ZFAND3: variants seen among roughly 807,000 people sequenced by gnomAD.
ZFAND3 encodes zinc finger AN1-type containing 3, also known as AN1-type zinc finger protein 3.
Under a neutral mutation model 29.6 loss-of-function variants are expected in ZFAND3, and 10 were observed. The ratio of observed to expected loss-of-function variants is 0.34; its 90% CI spans 0.21 to 0.57. The LOEUF is 0.57. Among genes scored for constraint, ZFAND3 ranks in the 20% least tolerant of loss-of-function variants. The pLI, the probability that ZFAND3 is intolerant of heterozygous loss-of-function variation, is 0.86. For missense variants in ZFAND3, 230 were observed against 304.5 expected (o/e 0.76, Z 1.82); for synonymous variants, 128 against 112.6 (o/e 1.14, Z -0.87).
intron 4 of ZFAND3, among the ~76,000 whole-genome samples, chr6:38,097,684 C>T (rs1765009436): frequency 6.6e-6 from 1 of 152,108 alleles, no homozygotes; most frequent in Admixed American, 6.5e-5. Context: ...TCTAAAGCAC[C>T]TCACCTAGCA....
Position 38,024,691 on chromosome 6 carries a change from A to G in ZFAND3, c.113-36902A>G, listed in dbSNP as rs186945501. Among the ~76,000 whole-genome samples the G allele has an allele frequency of 3.3e-3, 508 of 152,324 alleles. 1 individual carries two copies. Among genetic ancestry groups the G allele is most frequent in the Non-Finnish European group, 5.3e-3 (360 of 68,024 alleles). ...AACCTCAAAAACATTTATGTCAAGT[A>G]AAAGAAACCAGACACAAGAGGTCAC... On this transcript the variant is annotated intron_variant, in intron 2 of 5. Coordinates refer to ENST00000287218, the MANE Select transcript of ZFAND3 (RefSeq NM_021943.3).
intron 2 of ZFAND3, among the ~76,000 whole-genome samples, chr6:37,974,860 G>C (rs1037641586): frequency 3.9e-5 from 6 of 152,068 alleles, no homozygotes; most frequent in Admixed American, 1.3e-4. Flanking sequence ...ATGGACATTT[G>C]GTGGCTTTGA....
intron 2 of ZFAND3, among the ~76,000 whole-genome samples, chr6:38,056,806 G>C (rs935594537): frequency 1.3e-5 from 2 of 152,138 alleles, no homozygotes; most frequent in African/African-American, 4.8e-5. Flanking sequence ...AAGGTTTCAA[G>C]CATATCTTTG....
intron 4 of ZFAND3, among the ~76,000 whole-genome samples, chr6:38,089,103 C>G (rs904620175): frequency 1.3e-4 from 20 of 151,852 alleles, no homozygotes; most frequent in African/African-American, 4.8e-4. Flanking sequence ...ACAGTTTTTC[C>G]CTTTTCTTGA....
chr6:37,945,861 G>A (rs1761891443), intron 2 of ZFAND3, among the ~76,000 whole-genome samples: 2 of 152,184 alleles, frequency 1.3e-5, no homozygotes, highest in Non-Finnish European at 2.9e-5. Context: ...TTTATGAAAA[G>A]CACAGCTCTT....
At chr6:38,017,302 G>A (rs545898896) in intron 2 of ZFAND3, among the ~76,000 whole-genome samples, 1 of 152,324 alleles carries the variant, frequency 6.6e-6, no homozygotes, top group South Asian at 2.1e-4. Flanking sequence ...TTGGAATAAA[G>A]CACAGGAGAA....
chr6:38,046,144 C>T (rs1763900383), intron 2 of ZFAND3, among the ~76,000 whole-genome samples: 2 of 152,186 alleles, frequency 1.3e-5, no homozygotes, highest in Admixed American at 1.3e-4. Flanking sequence ...AGCACCATCT[C>T]TCAGACTAAT....
chr6:38,014,020 C>T (rs1429019231), intron 2 of ZFAND3, among the ~76,000 whole-genome samples: 1 of 151,934 alleles, frequency 6.6e-6, no homozygotes, highest in Non-Finnish European at 1.5e-5. Context: ...TTATTTAAGC[C>T]CAGGTATTTA....
intron 2 of ZFAND3, among the ~76,000 whole-genome samples, chr6:38,042,701 AAAC>A (rs1763815271): frequency 6.6e-6 from 1 of 152,210 alleles, no homozygotes; most frequent in Non-Finnish European, 1.5e-5. Flanking sequence ...AAGGTAAGAA[AAAC>A]AAGAGTATCT....
intron 1 of ZFAND3, among the ~76,000 whole-genome samples, chr6:37,918,354 C>T (rs1294715446): frequency 1.3e-5 from 2 of 152,116 alleles, no homozygotes; most frequent in Admixed American, 6.6e-5. Context: ...GGATTACAGG[C>T]GTGAGCCACT....
chr6:38,121,571 A>G (rs1463027838), intron 5 of ZFAND3, among the ~76,000 whole-genome samples: 8 of 152,008 alleles, frequency 5.3e-5, no homozygotes, highest in African/African-American at 1.7e-4. Context: ...AAAGAATACA[A>G]CCCTCTATCC....
chr6:38,002,042 G>A (rs1336964936), intron 2 of ZFAND3, among the ~76,000 whole-genome samples: 4 of 152,116 alleles, frequency 2.6e-5, no homozygotes, highest in Non-Finnish European at 5.9e-5. Flanking sequence ...CATTTTAAAT[G>A]CAGAAAGCCT....
At chr6:37,877,842 G>T (rs56100008) in intron 1 of ZFAND3, among the ~76,000 whole-genome samples, 294 of 152,294 alleles carry the variant, frequency 1.9e-3, no homozygotes, top group South Asian at 4.8e-3. Context: ...ACAAAGTCTT[G>T]GTCAAGCTAA....
chr6:38,019,626 T>C (rs1241616677), intron 2 of ZFAND3, among the ~76,000 whole-genome samples: 1 of 152,234 alleles, frequency 6.6e-6, no homozygotes, highest in African/African-American at 2.4e-5. Flanking sequence ...GAAAAATTTA[T>C]GTTTTCTTTA....
intron 5 of ZFAND3, among the ~76,000 whole-genome samples, chr6:38,145,381 T>A (rs1451965103): frequency 6.6e-6 from 1 of 151,204 alleles, no homozygotes; most frequent in Non-Finnish European, 1.5e-5. Context: ...GAGTGAGATG[T>A]TGTTACAATT....
intron 5 of ZFAND3, among the ~76,000 whole-genome samples, chr6:38,123,028 A>G (rs756468703): frequency 2.6e-5 from 4 of 152,224 alleles, no homozygotes; most frequent in Non-Finnish European, 5.9e-5. Context: ...AGGAGTTTGG[A>G]TGTTCGTTTA....
intron 4 of ZFAND3, among the ~76,000 whole-genome samples, chr6:38,082,890 G>A (rs991305011): frequency 6.6e-6 from 1 of 152,092 alleles, no homozygotes; most frequent in Admixed American, 6.6e-5. Context: ...ATTTAAAGCC[G>A]TGGATATACT....
chr6:38,111,943 T>G (rs1765329094), intron 4 of ZFAND3, among the ~76,000 whole-genome samples: 1 of 152,228 alleles, frequency 6.6e-6, no homozygotes, highest in African/African-American at 2.4e-5. Flanking sequence ...TGGAATTTGG[T>G]ATCCTTGGGG....
chr6:37,889,054 C>G (rs1031297509), intron 1 of ZFAND3, among the ~76,000 whole-genome samples: 2 of 152,166 alleles, frequency 1.3e-5, no homozygotes, highest in Admixed American at 6.6e-5. Context: ...TATTATTTCA[C>G]TTAACAAGAA....
Sources: gnomAD v4.1 joint callset for allele counts (sites outside exome capture counted in the v4.1 genomes callset) on GRCh38, gnomAD v4.1.1 for gene constraint, MANE v1.5 for transcripts, NCBI Gene and HGNC (gene_info 2026-07-23, HGNC 2026-07-21) for gene names.